DLG2: variants seen among roughly 807,000 people sequenced by gnomAD.
DLG2 encodes the protein disks large homolog 2.
A neutral mutation model predicts 132.5 loss-of-function variants in DLG2; 45 were observed. The ratio of observed to expected loss-of-function variants is 0.34; its 90% confidence interval spans 0.27 to 0.44. The LOEUF (loss-of-function observed/expected upper bound fraction) is 0.44, where lower values mean the gene tolerates loss of function less well. DLG2 is among the 20% of genes least tolerant of loss of function. DLG2 has a pLI of 1.00. For synonymous variants in DLG2, 424 were observed against 419.6 expected (o/e 1.01, Z -0.13); for missense variants, 1,045 against 1,196.9 (o/e 0.87, Z 1.87).
intron 6 of DLG2, among the ~76,000 whole-genome samples, chr11:84,653,862 G>T (rs2099685012): frequency 6.6e-6 from 1 of 152,066 alleles, no homozygotes; most frequent in South Asian, 2.1e-4. Flanking sequence ...GTAGCTTATT[G>T]TCTCTTCTAG....
intron 12 of DLG2, among the ~76,000 whole-genome samples, chr11:83,976,411 A>G (rs1368315685): frequency 6.6e-6 from 1 of 151,964 alleles, no homozygotes; most frequent in Non-Finnish European, 1.5e-5. Flanking sequence ...TACAGCTGGT[A>G]CATCATAGAA....
intron 4 of DLG2, among the ~76,000 whole-genome samples, chr11:85,237,020 C>T (rs1011894339): frequency 6.6e-6 from 1 of 152,002 alleles, no homozygotes; most frequent in Admixed American, 6.6e-5. Context: ...GACACAGAGC[C>T]CACAGAAGCC....
intron 6 of DLG2, among the ~76,000 whole-genome samples, chr11:84,845,803 T>C (rs900646350): frequency 1.3e-5 from 2 of 151,450 alleles, no homozygotes; most frequent in African/African-American, 2.4e-5. Context: ...CCTCAGCCTC[T>C]TGAGTAGCTG....
intron 3 of DLG2, among the ~76,000 whole-genome samples, chr11:85,402,351 TA>T (rs747474357): frequency 5.5e-4 from 84 of 152,270 alleles, no homozygotes; most frequent in Non-Finnish European, 1.1e-3. Context: ...CAAGATGGTT[TA>T]AAAACTTAAA....
chr11:84,635,286 C>T (rs1254433410), intron 6 of DLG2, among the ~76,000 whole-genome samples: 2 of 152,252 alleles, frequency 1.3e-5, no homozygotes, highest in African/African-American at 2.4e-5. Flanking sequence ...ATGGACAGCC[C>T]TTCTATATTC....
At chr11:85,322,426 C>G (rs2081137923) in intron 3 of DLG2, among the ~76,000 whole-genome samples, 1 of 152,072 alleles carries the variant, frequency 6.6e-6, no homozygotes, top group African/African-American at 2.4e-5. Flanking sequence ...CTGCTGAGCA[C>G]AGTTTAAGTA....
intron 6 of DLG2, among the ~76,000 whole-genome samples, chr11:85,008,247 G>T (rs2058868699): frequency 6.6e-6 from 1 of 152,010 alleles, no homozygotes; most frequent in Non-Finnish European, 1.5e-5. Flanking sequence ...CTACTCCATG[G>T]ATTGCTTCCA....
chr11:84,269,276 G>A (rs868138291), intron 7 of DLG2, among the ~76,000 whole-genome samples: 4 of 152,174 alleles, frequency 2.6e-5, no homozygotes, highest in Admixed American at 6.5e-5. Context: ...CAGGCATATC[G>A]TAATTTCTGA....
intron 11 of DLG2, among the ~76,000 whole-genome samples, chr11:84,028,523 A>G (rs1035394038): frequency 2.0e-5 from 3 of 152,076 alleles, no homozygotes; most frequent in African/African-American, 7.2e-5. Flanking sequence ...TTTTTTCACA[A>G]CCTTCAGAGA....
rs1380937896 is a variant in DLG2 at position 84,710,387 on chromosome 11, A to G, written c.358-175656T>C. Among the ~76,000 whole-genome samples, 7 of 152,102 alleles carry G rather than the reference A, an allele frequency of 4.6e-5. No individual in the cohort carries two copies. In the East Asian group the frequency reaches 1.4e-3, roughly 30 times the overall value. ...AATTGATTAATGGACAAGTGTACCT[A>G]CATTTCTCCAAATGGAGATTTTCAC... On this transcript the variant is annotated intron_variant, in intron 6 of 27. Coordinates refer to ENST00000376104, the MANE Select transcript of DLG2 (RefSeq NM_001142699.3).
At chr11:84,389,959 T>C (rs2098786368) in intron 7 of DLG2, among the ~76,000 whole-genome samples, 1 of 152,184 alleles carries the variant, frequency 6.6e-6, no homozygotes, top group South Asian at 2.1e-4. Flanking sequence ...CCAACTTGAT[T>C]ATGACTTAGC....
chr11:85,584,283 C>T (rs1186825507), intron 3 of DLG2, among the ~76,000 whole-genome samples: 3 of 151,946 alleles, frequency 2.0e-5, no homozygotes, highest in African/African-American at 7.3e-5. Flanking sequence ...CCAACCCCAT[C>T]CAGGTTACTG....
At chr11:84,248,133 C>A (rs1012956446) in intron 8 of DLG2, among the ~76,000 whole-genome samples, 2 of 151,962 alleles carry the variant, frequency 1.3e-5, no homozygotes, top group African/African-American at 2.4e-5. Flanking sequence ...TCAAGGTTAC[C>A]CCGTGAGTCA....
At chr11:85,114,657 T>C (rs1328340519) in intron 5 of DLG2, among the ~76,000 whole-genome samples, 2 of 151,990 alleles carry the variant, frequency 1.3e-5, no homozygotes, top group African/African-American at 2.4e-5. Context: ...TTTCTCACTT[T>C]AGAATCTTGA....
intron 6 of DLG2, among the ~76,000 whole-genome samples, chr11:84,861,580 C>T (rs1317056069): frequency 4.8e-5 from 3 of 61,884 alleles, no homozygotes; most frequent in Non-Finnish European, 6.1e-5. Flanking sequence ...CCAAAATTGA[C>T]AAATAGGATC....
chr11:84,175,725 T>C (rs112240322), intron 8 of DLG2, among the ~76,000 whole-genome samples: 1 of 152,172 alleles, frequency 6.6e-6, no homozygotes, highest in Admixed American at 6.6e-5. Context: ...AAAAGAGCTA[T>C]AGAGCCACAT....
At chr11:84,012,609 T>C (rs1183724641) in intron 11 of DLG2, among the ~76,000 whole-genome samples, 1 of 152,160 alleles carries the variant, frequency 6.6e-6, no homozygotes, top group Non-Finnish European at 1.5e-5. Context: ...TGTCAAAATA[T>C]TCAGAGTTTC....
At chr11:84,676,838 G>A (rs892804410) in intron 6 of DLG2, among the ~76,000 whole-genome samples, 1 of 151,932 alleles carries the variant, frequency 6.6e-6, no homozygotes, top group African/African-American at 2.4e-5. Flanking sequence ...TGTAATAAAA[G>A]GCCTGATACT....
intron 7 of DLG2, among the ~76,000 whole-genome samples, chr11:84,506,383 TTAAAAGAGTCAG>T (rs1221004881): frequency 1.3e-5 from 2 of 149,406 alleles, no homozygotes; most frequent in Admixed American, 1.3e-4. Flanking sequence ...CCCTCAGTTC[TTAAAAGAGTCAG>T]TAAAAGATAT....
Sources: gnomAD v4.1 joint callset for allele counts (sites outside exome capture counted in the v4.1 genomes callset) on GRCh38, gnomAD v4.1.1 for gene constraint, MANE v1.5 for transcripts, NCBI Gene and HGNC (gene_info 2026-07-23, HGNC 2026-07-21) for gene names.